Variants in ABHD18 observed in about 807,000 individuals in gnomAD.
ABHD18 encodes abhydrolase domain containing 18.
A neutral mutation model predicts 65.9 loss-of-function variants in ABHD18; 55 were observed. The observed-to-expected ratio is 0.84, with a 90% CI of 0.67 to 1.05. The LOEUF (loss-of-function observed/expected upper bound fraction) is 1.05. Ranked by LOEUF, ABHD18 falls within the 50% of genes least tolerant of loss-of-function variation. The pLI, the probability that ABHD18 is intolerant of heterozygous loss-of-function variation, is 0.00. For synonymous variants in ABHD18, 181 were observed against 180.2 expected, an observed-to-expected ratio of 1.00 and a Z score of -0.04; for missense variants, 533 against 558.5, an observed-to-expected ratio of 0.95 and a Z score of 0.46.
At chr4:128,035,619 G>C in intron 12 of ABHD18, 143 bp from the exon 13 acceptor site, 1 of 538,338 alleles carries the variant, frequency 1.9e-6, no homozygotes, top group South Asian at 3.0e-5. Context: ...TTCTGGGGAG[G>C]GTAACTGCCT....
intron 7 of ABHD18, among the ~76,000 whole-genome samples, chr4:128,013,673 G>A (rs965890946): frequency 4.0e-5 from 6 of 151,858 alleles, no homozygotes; most frequent in Non-Finnish European, 7.4e-5. Context: ...ACTCCAGCCC[G>A]GGCGACAGAG....
In ABHD18 at chr4:127,985,611, A is replaced by C. The variant is rs532986465; in HGVS notation, c.177+1188A>C. Among the ~76,000 whole-genome samples the C allele has an allele frequency of 1.8e-3, 277 of 151,500 alleles. 2 individuals are homozygous for C. The highest frequency in any genetic ancestry group is 6.4e-3 in the African/African-American group (265 of 41,366). ...AAAAAAATTTAAAACATACCAAGTTAAAAAAAAATCTCCTTTAATCTCTGC... is the reference window on the plus strand; with the variant it reads ...AAAAAAATTTAAAACATACCAAGTTCAAAAAAAATCTCCTTTAATCTCTGC... On this transcript the variant is annotated intron_variant, in intron 3 of 12. Coordinates refer to ENST00000645843, the MANE Select transcript of ABHD18 (RefSeq NM_001358451.3).
In ABHD18 at chr4:128,012,932, G is replaced by A. The variant is rs531384405; in HGVS notation, c.470+1232G>A. Reference sequence around the variant, plus strand: ...AATACAAAAATTAGCCAGGCATGGTGGTATGCACCTGTAGTCCCAACTACT... The same window carrying A: ...AATACAAAAATTAGCCAGGCATGGTAGTATGCACCTGTAGTCCCAACTACT... On this transcript the variant is annotated intron_variant, in intron 7 of 12. Coordinates refer to ENST00000645843, the MANE Select transcript of ABHD18 (RefSeq NM_001358451.3). Among the ~76,000 whole-genome samples, 19 of 151,830 alleles carry A rather than the reference G, an allele frequency of 1.3e-4. No individual in the cohort carries two copies. The East Asian group carries it at 3.5e-3, about 28-fold the overall frequency.
intron 12 of ABHD18, among the ~76,000 whole-genome samples, chr4:128,035,414 A>G (rs1758777825): frequency 6.6e-6 from 1 of 152,138 alleles, no homozygotes; most frequent in Admixed American, 6.6e-5. Context: ...TCTACTAAAA[A>G]TACAAAAAAT....
At chr4:128,023,356 A>G (rs531612228) in intron 10 of ABHD18, among the ~76,000 whole-genome samples, 1 of 129,402 alleles carries the variant, frequency 7.7e-6, no homozygotes, top group African/African-American at 2.9e-5. Flanking sequence ...ACTTGAAGCC[A>G]GGAGTTTGAG....
At chr4:128,007,562 C>T (rs764509793) in intron 4 of ABHD18, among the ~76,000 whole-genome samples, 32 of 150,672 alleles carry the variant, frequency 2.1e-4, no homozygotes, top group Non-Finnish European at 2.8e-4. Context: ...GGCAACATAG[C>T]GAGACCCCAT....
At chr4:128,016,314 G>A (rs1192002941) in intron 7 of ABHD18, among the ~76,000 whole-genome samples, 1 of 151,774 alleles carries the variant, frequency 6.6e-6, no homozygotes, top group African/African-American at 2.4e-5. Context: ...TGAAATTCCA[G>A]TTGGTCTTTA....
Position 128,008,947 on chromosome 4 carries a change from G to A in ABHD18, c.306G>A (p.Trp102Ter). The A allele has an allele frequency of 1.2e-6, 2 of 1,609,488 alleles. No individual in the cohort carries two copies. The highest frequency in any genetic ancestry group is 1.7e-6 in the Non-Finnish European group (2 of 1,178,458). The change falls in exon 5 of 13, where the codon TGG (tryptophan) becomes TGA (stop). Residue 102 changes from tryptophan (W) to a stop codon, truncating the protein, a stop_gained. Transcript: ENST00000645843. LOFTEE classifies it high-confidence loss of function. Reference sequence around the variant, plus strand: ...TCCAATTTATTGTGCCTAAAGAATGGAACAGCAAATATAGACCTGTATGCA... The same window carrying A: ...TCCAATTTATTGTGCCTAAAGAATGAAACAGCAAATATAGACCTGTATGCA... ...ARFQFIVPKE[W>*]NSKYRPVCIH...
Position 128,020,110 on chromosome 4 carries a change from A to G in ABHD18, c.640A>G (p.Lys214Glu). The G allele has an allele frequency of 6.2e-7, 1 of 1,613,598 alleles. No homozygotes were observed. The highest frequency in any genetic ancestry group is 1.3e-5 in the African/African-American group (1 of 75,044). The change falls in exon 9 of 13, where the codon AAG becomes GAG. Residue 214 changes from lysine to glutamate, a missense_variant. Physicochemically the swap from Lys to Glu is moderately conservative, Grantham distance 56 (BLOSUM62 1). Around this residue, in one of 3 missense-constraint regions of ABHD18, gnomAD observed 309 missense variants for 313.5 expected, o/e 0.99. Transcript: ENST00000645843. ...MASLAVSNWP[K>E]PMPLIPCLSW... is the part of the protein sequence containing the mutation. ...TTCCTTAGCGGTATCCAACTGGCCT[A>G]AGCCCATGCCATTGATTCCATGCCT...
In ABHD18 at chr4:128,028,903, T is replaced by C. The variant is rs777038040; in HGVS notation, c.1180+50T>C. ...GAATATTTGCTGATGTGTAAGTATT[T>C]GTGAAATATTTTAAAAGATGCTCTA... On this transcript the variant is annotated intron_variant, in intron 11 of 12. Transcript: ENST00000645843. 1.5e-5 allele frequency: 20 copies of C among 1,369,700 alleles called. No homozygotes were observed. The African/African-American group carries it at 2.8e-4, about 19-fold the overall frequency. The allele number at this position is 1,369,700 out of a possible 1,614,324, so 84.8% of individuals were successfully genotyped here. A position where few individuals can be genotyped will look rare whatever the true frequency, so the allele number is the denominator to read the frequency against.
At chr4:127,981,861 G>T (rs767994535) in intron 1 of ABHD18, among the ~76,000 whole-genome samples, 1 of 152,074 alleles carries the variant, frequency 6.6e-6, no homozygotes, top group Non-Finnish European at 1.5e-5. Flanking sequence ...CTGGCCATAC[G>T]TTGTCTTGTC....
chr4:127,974,997 CAAAAAAAAAA>C (rs34068699), intron 1 of ABHD18, among the ~76,000 whole-genome samples: 1,020 of 88,276 alleles, frequency 0.012, 8 homozygotes, highest in Non-Finnish European at 0.014. Context: ...AACTGTGTCT[CAAAAAAAAAA>C]AAAAAAAAAA....
chr4:127,972,299 G>A (rs62335595), intron 1 of ABHD18, among the ~76,000 whole-genome samples: 3,223 of 152,198 alleles, frequency 0.021, 63 homozygotes, highest in Middle Eastern at 0.054. Context: ...ATGATTGATT[G>A]AATCTTTGGC....
intron 3 of ABHD18, among the ~76,000 whole-genome samples, chr4:127,988,892 A>AC (rs1750442042): frequency 1.3e-5 from 2 of 152,190 alleles, no homozygotes. Context: ...CAAAACTGGA[A>AC]CTACCATATG....
At chr4:128,011,298 G>A (rs1019538796) in intron 6 of ABHD18, among the ~76,000 whole-genome samples, 2 of 151,678 alleles carry the variant, frequency 1.3e-5, no homozygotes, top group Non-Finnish European at 2.9e-5. Context: ...ACAGGCGCCC[G>A]CCACCTCGCC....
intron 1 of ABHD18, among the ~76,000 whole-genome samples, chr4:127,973,529 A>C (rs1340678551): frequency 6.6e-6 from 1 of 152,134 alleles, no homozygotes; most frequent in Non-Finnish European, 1.5e-5. Context: ...GTGGCCCTCA[A>C]GATCCTCAAA....
chr4:128,014,783 C>G (rs1158271365), intron 7 of ABHD18, among the ~76,000 whole-genome samples: 2 of 148,004 alleles, frequency 1.4e-5, no homozygotes, highest in African/African-American at 5.1e-5. Flanking sequence ...CCCCCCGCCC[C>G]TAAAAAAAAA....
intron 12 of ABHD18, 40 bp downstream of exon 12, chr4:128,030,712 G>C: frequency 1.3e-6 from 2 of 1,505,876 alleles, no homozygotes; most frequent in Non-Finnish European, 1.8e-6. Context: ...TTCATTTGTT[G>C]TTTGTTTTCT....
chr4:128,013,064 CAAAAAAAAAAAA>C (rs1199459823), intron 7 of ABHD18, among the ~76,000 whole-genome samples: 2 of 60,482 alleles, frequency 3.3e-5, no homozygotes, highest in African/African-American at 1.3e-4. Flanking sequence ...GACTCCATCC[CAAAAAAAAAAAA>C]AAAAAAAAAA....
Sources: gnomAD v4.1 joint callset for allele counts (sites outside exome capture counted in the v4.1 genomes callset) on GRCh38, gnomAD v4.1.1 for gene constraint, gnomAD v4.1.1 regional missense constraint, MANE v1.5 for transcripts, NCBI Gene and HGNC (gene_info 2026-07-23, HGNC 2026-07-21) for gene names.